RNF217: variants seen among roughly 807,000 people sequenced by gnomAD.
RNF217 encodes the protein E3 ubiquitin-protein ligase RNF217.
A neutral mutation model predicts 57.8 loss-of-function variants in RNF217; 31 were observed. The observed-to-expected ratio is 0.54, with a 90% CI of 0.40 to 0.72. The LOEUF (loss-of-function observed/expected upper bound fraction) is 0.72. Ranked by LOEUF, RNF217 falls within the 30% of genes least tolerant of loss-of-function variation. RNF217 has a pLI of 0.00. For missense variants in RNF217, 696 were observed against 708.3 expected (o/e 0.98, Z 0.20); for synonymous variants, 313 against 294.0 (o/e 1.06, Z -0.66).
At chr6:125,070,258 T>A (rs491270) in intron 3 of RNF217, among the ~76,000 whole-genome samples, 100,643 of 152,036 alleles carry the variant, frequency 0.66, 35,370 homozygotes, top group African/African-American at 0.89. Flanking sequence ...TCATTGATTG[T>A]TGGGTACTTA....
At chr6:124,978,401 CTG>C (rs1784043675) in intron 1 of RNF217, among the ~76,000 whole-genome samples, 1 of 151,438 alleles carries the variant, frequency 6.6e-6, no homozygotes, top group Non-Finnish European at 1.5e-5. Flanking sequence ...ACCAGGCATG[CTG>C]TGAGCGGCTT....
intron 3 of RNF217, among the ~76,000 whole-genome samples, chr6:125,068,468 T>C (rs763365633): frequency 7.2e-5 from 11 of 152,224 alleles, no homozygotes. Context: ...TCATACTTTC[T>C]ACTTTTCCTT....
At chr6:125,058,404 T>C (rs964984942) in intron 3 of RNF217, among the ~76,000 whole-genome samples, 1 of 152,142 alleles carries the variant, frequency 6.6e-6, no homozygotes, top group Non-Finnish European at 1.5e-5. Flanking sequence ...AGGAAAAATA[T>C]AGCGTAAAAG....
chr6:125,075,472 G>A (rs1339534218), intron 3 of RNF217, among the ~76,000 whole-genome samples: 1 of 152,104 alleles, frequency 6.6e-6, no homozygotes, highest in Non-Finnish European at 1.5e-5. Context: ...CAGGGCAGCA[G>A]GAGAGAGAAT....
intron 1 of RNF217, among the ~76,000 whole-genome samples, chr6:125,013,342 GT>G: frequency 8.4e-6 from 1 of 119,540 alleles, no homozygotes; most frequent in Non-Finnish European, 1.7e-5. Context: ...GTGCTTGCAT[GT>G]TTTGTGTATG....
At chr6:124,999,850 A>G (rs1562461127) in intron 1 of RNF217, among the ~76,000 whole-genome samples, 1 of 152,242 alleles carries the variant, frequency 6.6e-6, no homozygotes, top group African/African-American at 2.4e-5. Context: ...TCTTATACAG[A>G]TAAACAGCTA....
intron 1 of RNF217, among the ~76,000 whole-genome samples, chr6:124,994,486 A>G (rs530834809): frequency 6.6e-6 from 1 of 152,308 alleles, no homozygotes; most frequent in East Asian, 1.9e-4. Flanking sequence ...CATGAATGGT[A>G]GACTTCACAA....
chr6:125,072,323 AT>A (rs1161443671), intron 3 of RNF217, among the ~76,000 whole-genome samples: 3 of 152,092 alleles, frequency 2.0e-5, no homozygotes, highest in Non-Finnish European at 4.4e-5. Flanking sequence ...TGATGAAACA[AT>A]TTTTTCCGTG....
chr6:124,981,151 T>C (rs887838988), intron 1 of RNF217, among the ~76,000 whole-genome samples: 1 of 152,184 alleles, frequency 6.6e-6, no homozygotes, highest in Non-Finnish European at 1.5e-5. Flanking sequence ...TGTGAAAAAA[T>C]TGATAAAAAT....
At chr6:124,996,201 T>C (rs1265546525) in intron 1 of RNF217, among the ~76,000 whole-genome samples, 1 of 152,156 alleles carries the variant, frequency 6.6e-6, no homozygotes, top group Non-Finnish European at 1.5e-5. Flanking sequence ...TTTAAGTGTT[T>C]TGCCAGTCTG....
intron 2 of RNF217, among the ~76,000 whole-genome samples, chr6:125,047,117 C>T (rs535283922): frequency 2.6e-5 from 4 of 152,006 alleles, no homozygotes; most frequent in Middle Eastern, 3.4e-3. Context: ...TAGAAGGACT[C>T]GTAATTCCAT....
intron 1 of RNF217, among the ~76,000 whole-genome samples, chr6:124,979,640 G>C (rs1271803897): frequency 6.6e-6 from 1 of 152,196 alleles, no homozygotes; most frequent in Non-Finnish European, 1.5e-5. Context: ...ATCTGAAAGA[G>C]ATGACTTACA....
At chr6:125,055,439 A>G (rs972978129) in intron 2 of RNF217, among the ~76,000 whole-genome samples, 2 of 152,168 alleles carry the variant, frequency 1.3e-5, no homozygotes, top group Admixed American at 6.5e-5. Context: ...AGAATCATGC[A>G]TTGCTATAAT....
chr6:124,963,935 C>T (rs563627927), intron 1 of RNF217, among the ~76,000 whole-genome samples: 1 of 152,362 alleles, frequency 6.6e-6, no homozygotes, highest in Non-Finnish European at 1.5e-5. Context: ...CCTTTGCCTA[C>T]TTTTCAGTTT....
chr6:125,002,392 C>T (rs1785023111), intron 1 of RNF217, among the ~76,000 whole-genome samples: 1 of 152,154 alleles, frequency 6.6e-6, no homozygotes, highest in African/African-American at 2.4e-5. Context: ...AATTACTGCC[C>T]TACTTCTGCT....
At chr6:124,996,572 C>A (rs1044487155) in intron 1 of RNF217, 1 of 152,158 alleles carries the variant, frequency 6.6e-6, no homozygotes, top group African/African-American at 2.4e-5. Context: ...TCTGTCCCCA[C>A]AGCTCTGTTG....
chr6:125,009,188 C>T, intron 1 of RNF217: 3 of 1,564,798 alleles, frequency 1.9e-6, no homozygotes, highest in Non-Finnish European at 2.6e-6. Flanking sequence ...ATTGCCAGCA[C>T]TTGAGTAAAG....
At chr6:125,039,287 A>G (rs1426383936) in intron 1 of RNF217, among the ~76,000 whole-genome samples, 1 of 152,116 alleles carries the variant, frequency 6.6e-6, no homozygotes, top group Admixed American at 6.6e-5. Flanking sequence ...GTACCGAAGC[A>G]AGGGTTGCAA....
intron 1 of RNF217, 32 bp downstream of exon 1, chr6:124,963,458 C>A (rs1390535628): frequency 7.0e-7 from 1 of 1,436,602 alleles, no homozygotes; most frequent in Non-Finnish European, 9.1e-7. Flanking sequence ...CCCCATTTAT[C>A]ATTCCAAATC....
Sources: gnomAD v4.1 joint callset for allele counts (sites outside exome capture counted in the v4.1 genomes callset) on GRCh38, gnomAD v4.1.1 for gene constraint, MANE v1.5 for transcripts, NCBI Gene and HGNC (gene_info 2026-07-23, HGNC 2026-07-21) for gene names.